CACTIN: variants seen among roughly 807,000 people sequenced by gnomAD.
CACTIN encodes cactin, spliceosome C complex subunit, also known as splicing factor Cactin.
CACTIN carries 20 observed loss-of-function variants against 84.9 expected under a neutral mutation model. The ratio of observed to expected loss-of-function variants is 0.24; its 90% CI spans 0.17 to 0.34. The LOEUF (loss-of-function observed/expected upper bound fraction) is 0.34. Among genes scored for constraint, CACTIN ranks in the 10% least tolerant of loss-of-function variants. The pLI is 1.00. For synonymous variants in CACTIN, 549 were observed against 467.9 expected, an observed-to-expected ratio of 1.17 and a Z score of -2.24; for missense variants, 897 against 1,117.2, an observed-to-expected ratio of 0.80 and a Z score of 2.81.
In CACTIN at chr19:3,618,879, C is replaced by T. The variant is rs376221338; in HGVS notation, c.1158G>A (p.Gly386=). ...CAGGCCCATGCCCGCCGTTACCTGG[C>T]CCCTTGCCCGAGGCCTCCAGCTTGC... ...KLRKLEASGK[G]PGERREGVNA... is the part of the protein sequence containing the mutation. Residue 386 remains glycine (G), a synonymous_variant, in exon 6 of 10, where the codon GGG becomes GGA. Transcript: ENST00000429344. The T allele has an allele frequency of 7.1e-6, 11 of 1,550,996 alleles. No homozygotes were observed. In the African/African-American group the frequency reaches 1.4e-4, roughly 19 times the overall value.
intron 1 of CACTIN, 113 bp downstream of exon 1, chr19:3,626,483 A>G: frequency 8.9e-7 from 1 of 1,122,212 alleles, no homozygotes; most frequent in Non-Finnish European, 1.2e-6. Context: ...TTCTCTAGGA[A>G]GCCCTCCCCG....
chr19:3,616,467 G>C (rs535034012), intron 6 of CACTIN: 24 of 152,160 alleles, frequency 1.6e-4, no homozygotes, highest in African/African-American at 5.3e-4. Context: ...AAATTAGCCA[G>C]GTGTGGTGGT....
In CACTIN at chr19:3,623,854, G is replaced by A. The variant is rs751544012; in HGVS notation, c.476C>T (p.Ala159Val). 1.2e-6 allele frequency: 2 copies of A among 1,610,916 alleles called. No individual in the cohort carries two copies. The highest frequency in any genetic ancestry group is 1.7e-6 in the Non-Finnish European group (2 of 1,179,864). ...GCGCTTCTCCTCGGGCGTCTCGAAG[G>A]CCTTCATCAGCTCCTCCTGCTGCTT... ...ERKQQEELMK[A>V]FETPEEKRAR... Residue 159 changes from alanine to valine, a missense_variant, in exon 2 of 10, where the codon GCC (alanine) becomes GTC (valine). By Grantham distance (64) the Ala-to-Val change is moderately conservative. Transcript: ENST00000429344.
At position 3,613,144 on chromosome 19, in the gene CACTIN, T is replaced by C. The variant is rs761140332; in HGVS notation, c.1700A>G (p.His567Arg). ...CACGTGCGCGTCCAGTGGCAGCTCG[T>C]GCGCCGTGAGCAGCCGCGGGCTGTA... ...GRYSPRLLTAHELPLDAHVLE... is the reference protein window; with the variant it reads ...GRYSPRLLTARELPLDAHVLE... Residue 567 changes from histidine to arginine, a missense_variant, in exon 9 of 10, where the codon CAC becomes CGC. Physicochemically the swap from His to Arg is conservative, Grantham distance 29. Coordinates refer to ENST00000429344, the MANE Select transcript of CACTIN (RefSeq NM_001080543.2). 1 of 1,608,358 alleles carries C rather than the reference T, an allele frequency of 6.2e-7. No homozygotes were observed. The highest frequency in any genetic ancestry group is 1.7e-5 in the Admixed American group (1 of 59,946).
At chr19:3,618,026 T>C (rs2033140971) in intron 6 of CACTIN, among the ~76,000 whole-genome samples, 1 of 152,166 alleles carries the variant, frequency 6.6e-6, no homozygotes. Context: ...GCCACCATGA[T>C]GGCACCCAAG....
chr19:3,613,751 G>A (rs2033036817), intron 7 of CACTIN, 165 bp from the exon 8 acceptor site: 2 of 958,798 alleles, frequency 2.1e-6, no homozygotes, highest in Non-Finnish European at 3.0e-6. Flanking sequence ...TCAGGGTCAA[G>A]GCTTATGGGA....
chr19:3,623,395 A>G (rs28427387), intron 2 of CACTIN, among the ~76,000 whole-genome samples: 2,958 of 151,410 alleles, frequency 0.02, 55 homozygotes, highest in African/African-American at 0.046. Context: ...CGGGCGTGGT[A>G]GCGGGCGCCT....
chr19:3,618,573 C>G (rs896487897), intron 6 of CACTIN, among the ~76,000 whole-genome samples: 1 of 152,268 alleles, frequency 6.6e-6, no homozygotes, highest in Non-Finnish European at 1.5e-5. Flanking sequence ...ACTGAGAGCA[C>G]TGAAACCTGA....
chr19:3,622,931 T>C (rs2033254203), intron 2 of CACTIN, among the ~76,000 whole-genome samples: 1 of 152,080 alleles, frequency 6.6e-6, no homozygotes, highest in Non-Finnish European at 1.5e-5. Flanking sequence ...AGAGACACAG[T>C]TAATGGCAAG....
At position 3,611,199 on chromosome 19, in the gene CACTIN, G is replaced by A. The variant is rs1387399164; in HGVS notation, c.*724C>T. The stretch of plus-strand genomic sequence containing the variant: ...ACTTTTGGTTCCCACGACCTTGACA[G>A]AGACAGGGACCTCGACGCATCCTCC... On this transcript the variant is annotated 3_prime_UTR_variant, in exon 10 of 10. Transcript: ENST00000429344. 9.5e-6 allele frequency: 4 copies of A among 419,822 alleles called. No individual in the cohort carries two copies. Among genetic ancestry groups the A allele is most frequent in the South Asian group, 3.3e-5 (2 of 60,174 alleles). 26.0% of individuals were successfully genotyped at this position (419,822 alleles called of 1,614,324 possible).
rs778487266 is a variant in CACTIN at position 3,612,421 on chromosome 19, C to T, written c.1787-8G>A. Reference sequence around the variant, plus strand: ...CGCTCTCGCTGGCGTCTCCTGCGGGCGGGACGGCGTTCACCCGGGCCTCGG... The same window carrying T: ...CGCTCTCGCTGGCGTCTCCTGCGGGTGGGACGGCGTTCACCCGGGCCTCGG... On this transcript the variant is annotated splice_region_variant and splice_polypyrimidine_tract_variant and intron_variant, in intron 9 of 9. Coordinates refer to ENST00000429344, the MANE Select transcript of CACTIN (RefSeq NM_001080543.2). 3 of 1,577,264 alleles carry T rather than the reference C, an allele frequency of 1.9e-6. No homozygotes were observed. Among genetic ancestry groups the T allele is most frequent in the South Asian group, 1.1e-5 (1 of 87,616 alleles).
rs1354641806 is a variant in CACTIN at position 3,624,039 on chromosome 19, G to A, written c.291C>T (p.Gly97=). The change falls in exon 2 of 10, where the codon GGC becomes GGT. Residue 97 remains glycine, a synonymous_variant. Transcript: ENST00000429344. The stretch of plus-strand genomic sequence containing the variant: ...CGCGCCGTCGCCGGCGAGCCCACTG[G>A]CCCCGTGACTGCTCCTCTCCTGAGT... ...QSDSGEEQSR[G]QWARRRRRAR... The A allele has an allele frequency of 5.0e-6, 8 of 1,605,296 alleles. No individual in the cohort carries two copies. The African/African-American group carries it at 9.3e-5, about 19-fold the overall frequency.
Position 3,611,830 on chromosome 19 carries a change from C to A in CACTIN, c.*93G>T, listed in dbSNP as rs757411577. ...GGTGGGACGTGAACCCGCGGCCCTG[C>A]AGCCCAGACAGCGGCCCCGGAGTGA... On this transcript the variant is annotated 3_prime_UTR_variant, in exon 10 of 10. Transcript: ENST00000429344. 338 of 1,499,230 alleles carry A rather than the reference C, an allele frequency of 2.3e-4. No individual in the cohort carries two copies. The highest frequency in any genetic ancestry group is 5.6e-4 in the East Asian group (23 of 41,420). 92.9% of individuals were successfully genotyped at this position (1,499,230 alleles called of 1,614,324 possible). A position where few individuals can be genotyped will look rare whatever the true frequency, so the allele number is the denominator to read the frequency against.
chr19:3,622,750 T>A (rs1410816903), intron 2 of CACTIN, among the ~76,000 whole-genome samples: 1 of 152,190 alleles, frequency 6.6e-6, no homozygotes, highest in African/African-American at 2.4e-5. Context: ...ATGCCACTGG[T>A]GTGACTGGTG....
In CACTIN at chr19:3,612,175, T is replaced by C. The variant is rs1363470249; in HGVS notation, c.2025A>G (p.Gly675=). 1 of 1,613,644 alleles carries C rather than the reference T, an allele frequency of 6.2e-7. No homozygotes were observed. The highest frequency in any genetic ancestry group is 1.1e-5 in the South Asian group (1 of 91,088). The change falls in exon 10 of 10, where the codon GGA becomes GGG. Residue 675 remains glycine (G), a synonymous_variant. Coordinates refer to ENST00000429344, the MANE Select transcript of CACTIN (RefSeq NM_001080543.2). ...CGGGGTAGAAGATGTTGAACTTGTATCCCTGCACGATCTTGGGCGGTGGGT... is the reference window on the plus strand; with the variant it reads ...CGGGGTAGAAGATGTTGAACTTGTACCCCTGCACGATCTTGGGCGGTGGGT... ...FDNPPPKIVQ[G]YKFNIFYPDL... is the part of the protein sequence containing the mutation.
At chr19:3,613,768 A>G in intron 7 of CACTIN, 182 bp from the exon 8 acceptor site, 1 of 773,546 alleles carries the variant, frequency 1.3e-6, no homozygotes, top group Middle Eastern at 3.9e-4. Flanking sequence ...GGGAGAGAGG[A>G]CGAGAGGACG....
intron 1 of CACTIN, among the ~76,000 whole-genome samples, chr19:3,625,496 G>A (rs1372393035): frequency 1.3e-5 from 2 of 152,192 alleles, no homozygotes; most frequent in African/African-American, 2.4e-5. Flanking sequence ...TTGGGAGGCC[G>A]AGGCGGGCAG....
chr19:3,613,286 C>T lies in CACTIN; in HGVS notation c.1558G>A (p.Ala520Thr), dbSNP rs770238123. The part of the protein sequence containing the change: ...GGPAEAEVDG[A>T]TPTEGDGDGD... ...TCGCCGTCGCCCTCTGTCGGGGTCG[C>T]GCCGTCCACCTCGGCCTCCGCGGGG... The change falls in exon 9 of 10, where the codon GCG becomes ACG. Residue 520 changes from alanine (A) to threonine (T), a missense_variant. Physicochemically the swap from Ala to Thr is moderately conservative, Grantham distance 58. Coordinates refer to ENST00000429344, the MANE Select transcript of CACTIN (RefSeq NM_001080543.2). The T allele has an allele frequency of 1.3e-5, 21 of 1,603,360 alleles. No individual in the cohort carries two copies. The highest frequency in any genetic ancestry group is 1.5e-5 in the Non-Finnish European group (18 of 1,177,596).
At chr19:3,614,020 G>A in intron 7 of CACTIN, 1 of 453,996 alleles carries the variant, frequency 2.2e-6, no homozygotes, top group Non-Finnish European at 4.1e-6. Context: ...AGCGCTGGGA[G>A]GGCGCAGGCC....
Sources: gnomAD v4.1 joint callset for allele counts (sites outside exome capture counted in the v4.1 genomes callset) on GRCh38, gnomAD v4.1.1 for gene constraint, MANE v1.5 for transcripts, NCBI Gene and HGNC (gene_info 2026-07-23, HGNC 2026-07-21) for gene names.